Variants in AFG2A observed in about 807,000 individuals in gnomAD.
AFG2A encodes the protein ATPase family gene 2 protein homolog A.
the AFG2A span, among the ~76,000 whole-genome samples, chr4:122,978,721 C>T: frequency 6.6e-6 from 1 of 152,218 alleles, no homozygotes; most frequent in African/African-American, 2.4e-5. Flanking sequence ...CAGCCTCCCT[C>T]ACATACTCAT....
At chr4:123,243,054 C>T in the AFG2A span, among the ~76,000 whole-genome samples, 4 of 152,206 alleles carry the variant, frequency 2.6e-5, no homozygotes, top group African/African-American at 7.2e-5. Context: ...GAGATACCAT[C>T]TCACACCAGT....
chr4:123,026,404 T>C, the AFG2A span, among the ~76,000 whole-genome samples: 2 of 152,064 alleles, frequency 1.3e-5, no homozygotes, highest in South Asian at 2.1e-4. Flanking sequence ...TAAAATCATA[T>C]AGAACTAAAA....
the AFG2A span, among the ~76,000 whole-genome samples, chr4:123,296,085 A>G: frequency 1.3e-5 from 2 of 152,022 alleles, no homozygotes; most frequent in African/African-American, 4.8e-5. Context: ...GAATCAAAAG[A>G]CCTGGACAAT....
At chr4:123,217,576 AG>A in the AFG2A span, among the ~76,000 whole-genome samples, 1 of 152,194 alleles carries the variant, frequency 6.6e-6, no homozygotes, top group Non-Finnish European at 1.5e-5. Context: ...ACACAGCTGA[AG>A]TGAATGGTAC....
At chr4:123,020,256 T>G in the AFG2A span, among the ~76,000 whole-genome samples, 71 of 152,222 alleles carry the variant, frequency 4.7e-4, no homozygotes, top group African/African-American at 1.6e-3. Context: ...TAATGCAGTT[T>G]CACTGTAGAA....
the AFG2A span, among the ~76,000 whole-genome samples, chr4:122,925,940 G>T: frequency 1.3e-5 from 2 of 152,208 alleles, no homozygotes; most frequent in African/African-American, 4.8e-5. Flanking sequence ...TTACTATCTT[G>T]TTAGTTAATG....
chr4:122,966,551 A>G, the AFG2A span, among the ~76,000 whole-genome samples: 3 of 152,140 alleles, frequency 2.0e-5, no homozygotes, highest in South Asian at 4.1e-4. Flanking sequence ...TTTGGCCCCA[A>G]TTCCTATTTT....
the AFG2A span, among the ~76,000 whole-genome samples, chr4:123,235,884 T>C: frequency 2.5e-4 from 38 of 152,354 alleles, 1 homozygote; most frequent in East Asian, 5.6e-3. Flanking sequence ...TTATATTTTT[T>C]AACTATTCTG....
the AFG2A span, among the ~76,000 whole-genome samples, chr4:123,097,788 A>G: frequency 2.0e-5 from 3 of 152,144 alleles, no homozygotes; most frequent in Non-Finnish European, 4.4e-5. Flanking sequence ...CTTCATTTCG[A>G]TGTTCATAAG....
the AFG2A span, among the ~76,000 whole-genome samples, chr4:123,234,501 A>T: frequency 6.6e-6 from 1 of 152,088 alleles, no homozygotes; most frequent in Non-Finnish European, 1.5e-5. Flanking sequence ...GCTTATTCTA[A>T]GCTCTGCCAC....
At chr4:122,997,841 G>T in the AFG2A span, among the ~76,000 whole-genome samples, 1 of 152,016 alleles carries the variant, frequency 6.6e-6, no homozygotes, top group Non-Finnish European at 1.5e-5. Context: ...CTATCCTAGT[G>T]GGTGTAAAGT....
At chr4:123,144,093 GA>G in the AFG2A span, among the ~76,000 whole-genome samples, 1 of 151,984 alleles carries the variant, frequency 6.6e-6, no homozygotes, top group Non-Finnish European at 1.5e-5. Flanking sequence ...TATACCTGGG[GA>G]AAAGGCAGTA....
the AFG2A span, chr4:123,028,273 T>C: frequency 5.0e-6 from 8 of 1,614,064 alleles, no homozygotes; most frequent in Non-Finnish European, 5.9e-6. Flanking sequence ...TCCAGAGTCT[T>C]TCATTCGAAT....
chr4:123,112,013 G>A, the AFG2A span, among the ~76,000 whole-genome samples: 19 of 152,026 alleles, frequency 1.2e-4, no homozygotes, highest in Admixed American at 5.2e-4. Context: ...GTGAGCCACC[G>A]CACCCAGCTA....
chr4:123,147,528 G>C, the AFG2A span, among the ~76,000 whole-genome samples: 1,134 of 152,172 alleles, frequency 7.5e-3, 6 homozygotes, highest in Middle Eastern at 0.044. Flanking sequence ...GTTGTTATCT[G>C]TCATCATTCC....
the AFG2A span, among the ~76,000 whole-genome samples, chr4:123,129,184 A>C: frequency 6.6e-6 from 1 of 152,212 alleles, no homozygotes; most frequent in Non-Finnish European, 1.5e-5. Flanking sequence ...AAGTAATTCA[A>C]ACAAGTATTA....
chr4:123,207,043 G>T, the AFG2A span, among the ~76,000 whole-genome samples: 2 of 152,136 alleles, frequency 1.3e-5, no homozygotes, highest in African/African-American at 4.8e-5. Context: ...TATCCTGACA[G>T]CCTCATGGAA....
chr4:122,967,183 A>AT, the AFG2A span, among the ~76,000 whole-genome samples: 91 of 152,284 alleles, frequency 6.0e-4, no homozygotes, highest in Admixed American at 5.2e-3. Context: ...CAGGAGAATA[A>AT]TTTGAGGCCA....
the AFG2A span, among the ~76,000 whole-genome samples, chr4:123,270,040 C>T: frequency 8.5e-5 from 13 of 152,336 alleles, no homozygotes; most frequent in African/African-American, 3.1e-4. Context: ...TGGTCTCGAT[C>T]TGCTGATCTC....
Sources: gnomAD v4.1 joint callset for allele counts (sites outside exome capture counted in the v4.1 genomes callset) on GRCh38, gnomAD v4.1.1 for gene constraint, MANE v1.5 for transcripts, NCBI Gene and HGNC (gene_info 2026-07-23, HGNC 2026-07-21) for gene names.